The following GCN1 variants were observed in gnomAD, a reference collection of about 807,000 sequenced individuals.
GCN1 encodes the protein GCN1 activator of EIF2AK4.
In GCN1, 90 loss-of-function variants were observed where a neutral mutation model predicts 288.4. That is an observed-to-expected ratio of 0.31 (90% CI 0.26 to 0.37). GCN1 has a LOEUF of 0.37. GCN1 is among the 10% of genes least tolerant of loss of function. The pLI, the probability that GCN1 is intolerant of heterozygous loss-of-function variation, is 1.00. For synonymous variants in GCN1, 1,386 were observed against 1,420.2 expected, an observed-to-expected ratio of 0.98 and a Z score of 0.54; for missense variants, 2,586 against 3,419.9, an observed-to-expected ratio of 0.76 and a Z score of 6.08.
intron 18 of GCN1, 76 bp downstream of exon 18, chr12:120,164,260 G>A (rs1028118484): frequency 7.4e-7 from 1 of 1,357,784 alleles, no homozygotes; most frequent in Admixed American, 2.0e-5. Context: ...GAGTGGCCCA[G>A]CCAAAACCCC....
chr12:120,137,806 G>C lies in GCN1; in HGVS notation c.6402C>G (p.Ala2134=). ...CGGAGAGGATCACAGCCTGACAATT[G>C]GCCATCTCCTGCAAACCACAAGGGA... is the stretch of plus-strand genomic sequence containing the variant. ...LGTPDEQLEM[A]NCQAVILSVE... Residue 2134 remains alanine, a synonymous_variant, in exon 49 of 58, where the codon GCC becomes GCG. Transcript: ENST00000300648. The surrounding 1 kb of genome is among the most constrained non-coding windows in gnomAD (Gnocchi z 5.2). 6.2e-7 allele frequency: 1 copy of C among 1,613,454 alleles called. No homozygotes were observed. Among genetic ancestry groups the C allele is most frequent in the Non-Finnish European group, 8.5e-7 (1 of 1,179,412 alleles).
intron 9 of GCN1, among the ~76,000 whole-genome samples, chr12:120,177,159 C>T (rs895221992): frequency 2.6e-5 from 4 of 152,114 alleles, no homozygotes; most frequent in African/African-American, 7.2e-5. Flanking sequence ...ACTTCCTGGG[C>T]TCAAGCTATC....
intron 14 of GCN1, 36 bp from the exon 15 acceptor site, chr12:120,170,357 T>C (rs773921309): frequency 6.2e-7 from 1 of 1,602,402 alleles, no homozygotes; most frequent in South Asian, 1.1e-5. Context: ...AAGGACATCC[T>C]GATCCTTGGA....
At chr12:120,150,431 C>A (rs541695801) in intron 34 of GCN1, among the ~76,000 whole-genome samples, 11 of 151,206 alleles carry the variant, frequency 7.3e-5, no homozygotes, top group African/African-American at 2.7e-4. Context: ...CCTGTCTCTA[C>A]TAAAAATACA....
intron 20 of GCN1, chr12:120,162,294 A>C (rs927130025): frequency 1.9e-6 from 1 of 540,530 alleles, no homozygotes; most frequent in Admixed American, 3.2e-5. Context: ...CCCAATTCTC[A>C]ATCTCCGTGG....
chr12:120,131,519 GAA>G (rs2139080110), intron 54 of GCN1, among the ~76,000 whole-genome samples, 186 bp from the exon 55 acceptor site: 1 of 152,348 alleles, frequency 6.6e-6, no homozygotes, highest in East Asian at 1.9e-4. Context: ...GCACATTAAG[GAA>G]AGTAAGGAAA....
chr12:120,165,524 G>A (rs543432323), intron 16 of GCN1, among the ~76,000 whole-genome samples: 1 of 152,072 alleles, frequency 6.6e-6, no homozygotes, highest in Admixed American at 6.5e-5. Flanking sequence ...CTACAGTGCA[G>A]TGGTGCAGTC....
At chr12:120,160,990 T>C (rs1053192034) in intron 22 of GCN1, among the ~76,000 whole-genome samples, 4 of 152,076 alleles carry the variant, frequency 2.6e-5, no homozygotes, top group Non-Finnish European at 5.9e-5. Flanking sequence ...TGGACTGAGA[T>C]GAGAAAGACA....
intron 14 of GCN1, among the ~76,000 whole-genome samples, chr12:120,173,138 C>G (rs140553134): frequency 3.3e-5 from 5 of 151,116 alleles, no homozygotes; most frequent in African/African-American, 1.2e-4. Context: ...CGGCTCACTG[C>G]AACCTCCATC....
intron 1 of GCN1, among the ~76,000 whole-genome samples, 196 bp from the exon 2 acceptor site, chr12:120,190,596 C>T (rs1041124888): frequency 4.6e-5 from 7 of 152,064 alleles, no homozygotes; most frequent in African/African-American, 4.8e-5. Flanking sequence ...TCTACCCACT[C>T]GATGTCAGTA....
chr12:120,192,115 C>A (rs540198533), intron 1 of GCN1, among the ~76,000 whole-genome samples: 1 of 152,320 alleles, frequency 6.6e-6, no homozygotes, highest in East Asian at 1.9e-4. Context: ...TTTCCCACCT[C>A]ACTTCAGTTT....
chr12:120,181,992 C>T (rs987296475), intron 5 of GCN1, among the ~76,000 whole-genome samples: 3 of 151,328 alleles, frequency 2.0e-5, no homozygotes, highest in African/African-American at 7.3e-5. Flanking sequence ...ACTAAAAATA[C>T]AAAAATTAGC....
In GCN1 at chr12:120,160,232, G is replaced by A. The variant is rs1323596857; in HGVS notation, c.2460C>T (p.Ile820=). 3 of 1,611,918 alleles carry A rather than the reference G, an allele frequency of 1.9e-6. No individual in the cohort carries two copies. Among genetic ancestry groups the A allele is most frequent in the African/African-American group, 2.7e-5 (2 of 74,886 alleles). The change falls in exon 23 of 58, where the codon ATC becomes ATT. Residue 820 remains isoleucine, a synonymous_variant. Transcript: ENST00000300648. Reference sequence around the variant, plus strand: ...TGCTGGTCAGCTGCACCTCCTCTTTGATGCCTTTCTTCTTCTTTATCTCCT... The same window carrying A: ...TGCTGGTCAGCTGCACCTCCTCTTTAATGCCTTTCTTCTTCTTTATCTCCT... ...LKEEIKKKKG[I]KEEVQLTSKQ...
At position 120,184,219 on chromosome 12, in the gene GCN1, C is replaced by T. The variant is rs995381951; in HGVS notation, c.210G>A (p.Leu70=). 6.2e-7 allele frequency: 1 copy of T among 1,613,718 alleles called. No individual in the cohort carries two copies. The highest frequency in any genetic ancestry group is 8.5e-7 in the Non-Finnish European group (1 of 1,179,868). ...RYRDAASRRA[L]QAAIQQLAEA... is the part of the protein sequence containing the mutation. ...CAGCCAACTGCTGGATGGCTGCCTG[C>T]AAGGCCCTGCGGGAGGCTGCATCTC... The change falls in exon 4 of 58, where the codon TTG becomes TTA. Residue 70 remains leucine, a synonymous_variant. Coordinates refer to ENST00000300648, the MANE Select transcript of GCN1 (RefSeq NM_006836.2).
rs186320115 is a variant in GCN1 at position 120,168,526 on chromosome 12, C to T, written c.1520-226G>A. ...TGCCTACAGGATCCTAGGTGAACTG[C>T]TTCTCATCCGGAATTCCCATCCACC... On this transcript the variant is annotated intron_variant, in intron 15 of 57. Coordinates refer to ENST00000300648, the MANE Select transcript of GCN1 (RefSeq NM_006836.2). 1,407 of 457,392 alleles carry T rather than the reference C, an allele frequency of 3.1e-3. 8 individuals are homozygous for T. Among genetic ancestry groups the T allele is most frequent in the Middle Eastern group, 9.7e-3 (16 of 1,646 alleles). 28.3% of individuals were successfully genotyped at this position (457,392 alleles called of 1,614,324 possible).
Position 120,144,893 on chromosome 12 carries a change from G to C in GCN1, c.5155+30C>G. On this transcript the variant is annotated intron_variant, in intron 40 of 57. Transcript: ENST00000300648. The surrounding 1 kb of genome is among the most constrained non-coding windows in gnomAD (Gnocchi z 4.7). ...CTGAGGGCCCCTTAGAGCATTCCCA[G>C]GCTGGCCACTGGACCTGCTCTGGCC... The C allele has an allele frequency of 6.2e-7, 1 of 1,614,078 alleles. No individual in the cohort carries two copies. Among genetic ancestry groups the C allele is most frequent in the Middle Eastern group, 1.6e-4 (1 of 6,062 alleles).
chr12:120,169,283 AAAAAAAAAAAAAG>A (rs1328015126), intron 15 of GCN1, among the ~76,000 whole-genome samples: 1 of 85,328 alleles, frequency 1.2e-5, no homozygotes, highest in Admixed American at 9.7e-5. Flanking sequence ...TCTCAAAAAA[AAAAAAAAAAAAAG>A]AAAAAAAAAA....
At chr12:120,177,378 G>T in intron 9 of GCN1, 69 bp downstream of exon 9, 1 of 768,212 alleles carries the variant, frequency 1.3e-6, no homozygotes, top group Non-Finnish European at 2.3e-6. Flanking sequence ...ACTTCTTGTT[G>T]CCAAATATCG....
At chr12:120,168,762 C>T (rs1878212638) in intron 15 of GCN1, among the ~76,000 whole-genome samples, 1 of 152,012 alleles carries the variant, frequency 6.6e-6, no homozygotes, top group Admixed American at 6.6e-5. Flanking sequence ...CAAAACTGCT[C>T]TAATGCCGCA....
Sources: allele counts gnomAD v4.1 joint callset (sites outside exome capture counted in the v4.1 genomes callset), GRCh38; gene constraint gnomAD v4.1.1; non-coding constraint Gnocchi (gnomAD v3.1); transcripts MANE v1.5; gene names NCBI Gene and HGNC (gene_info 2026-07-23, HGNC 2026-07-21).